LHFPL6: variants seen among roughly 807,000 people sequenced by gnomAD.
LHFPL6 encodes LHFPL tetraspan subfamily member 6.
Under a neutral mutation model 20.6 loss-of-function variants are expected in LHFPL6, and 9 were observed. That is an observed-to-expected ratio of 0.44 (90% confidence interval 0.26 to 0.76). The LOEUF is 0.76. LHFPL6 is among the 30% of genes least tolerant of loss of function. The pLI, the probability that LHFPL6 is intolerant of heterozygous loss-of-function variation, is 0.20. For missense variants in LHFPL6, 218 were observed against 253.5 expected (o/e 0.86, Z 0.95); for synonymous variants, 105 against 98.7 (o/e 1.06, Z -0.38).
chr13:39,570,811 T>G (rs1871890454), intron 2 of LHFPL6, among the ~76,000 whole-genome samples: 1 of 152,200 alleles, frequency 6.6e-6, no homozygotes, highest in Admixed American at 6.5e-5. Flanking sequence ...GCATGCCACG[T>G]GTGTGTTTTT....
intron 3 of LHFPL6, among the ~76,000 whole-genome samples, chr13:39,375,440 C>T (rs1321637236): frequency 2.0e-5 from 3 of 152,130 alleles, no homozygotes. Flanking sequence ...CCCATAATCC[C>T]AGCACTTTGG....
intron 2 of LHFPL6, among the ~76,000 whole-genome samples, chr13:39,533,074 A>G (rs1005271894): frequency 9.2e-5 from 14 of 152,220 alleles, no homozygotes; most frequent in Admixed American, 5.9e-4. Context: ...GCACAGACTT[A>G]AATAAAGGAA....
intron 2 of LHFPL6, among the ~76,000 whole-genome samples, chr13:39,429,442 G>A (rs941413355): frequency 1.3e-5 from 2 of 152,018 alleles, no homozygotes; most frequent in Non-Finnish European, 2.9e-5. Context: ...CTTGATTAGT[G>A]TTAGCATGGT....
intron 2 of LHFPL6, among the ~76,000 whole-genome samples, chr13:39,562,569 CATACATATAT>C (rs1871555834): frequency 1.1e-5 from 1 of 93,050 alleles, no homozygotes. Context: ...TACATATACA[CATACATATAT>C]ACACATATAT....
chr13:39,358,454 T>C (rs1365122281), intron 3 of LHFPL6, among the ~76,000 whole-genome samples: 1 of 152,122 alleles, frequency 6.6e-6, no homozygotes, highest in East Asian at 1.9e-4. Context: ...GATGAAAACC[T>C]AGTGAACACC....
chr13:39,355,504 CATG>C (rs1027257459), intron 3 of LHFPL6, among the ~76,000 whole-genome samples: 2 of 152,144 alleles, frequency 1.3e-5, no homozygotes, highest in African/African-American at 2.4e-5. Flanking sequence ...CAGCTAACAA[CATG>C]ATAACATGAT....
At chr13:39,594,067 A>G (rs1401885544) in intron 2 of LHFPL6, among the ~76,000 whole-genome samples, 1 of 152,196 alleles carries the variant, frequency 6.6e-6, no homozygotes, top group Non-Finnish European at 1.5e-5. Context: ...CAAGGACTTC[A>G]TGTCTAAAAC....
At chr13:39,578,843 G>A (rs1163648709) in intron 2 of LHFPL6, among the ~76,000 whole-genome samples, 1 of 152,162 alleles carries the variant, frequency 6.6e-6, no homozygotes, top group Non-Finnish European at 1.5e-5. Context: ...ATTCCCTCCA[G>A]CTGGGCAATC....
chr13:39,477,366 A>G (rs1235773195), intron 2 of LHFPL6, among the ~76,000 whole-genome samples: 1 of 152,208 alleles, frequency 6.6e-6, no homozygotes, highest in Non-Finnish European at 1.5e-5. Flanking sequence ...GGGAGCAGGT[A>G]CTTATTCACA....
At chr13:39,377,016 A>C (rs1870308864) in intron 3 of LHFPL6, among the ~76,000 whole-genome samples, 1 of 152,182 alleles carries the variant, frequency 6.6e-6, no homozygotes, top group Non-Finnish European at 1.5e-5. Flanking sequence ...TCTGAAGCAG[A>C]TCATAAAGCC....
intron 2 of LHFPL6, among the ~76,000 whole-genome samples, chr13:39,430,889 C>G (rs1017734610): frequency 6.6e-6 from 1 of 152,222 alleles, no homozygotes; most frequent in East Asian, 1.9e-4. Flanking sequence ...AAGCCAGCAG[C>G]GGCAACCTGC....
In LHFPL6 at chr13:39,502,543, C is replaced by T. The variant is rs542085151; in HGVS notation, c.385+98289G>A. Among the ~76,000 whole-genome samples, 60 of 152,128 alleles carry T rather than the reference C, an allele frequency of 3.9e-4. 1 individual carries two copies. Among genetic ancestry groups the T allele is most frequent in the Middle Eastern group, 6.8e-3 (2 of 294 alleles). On this transcript the variant is annotated intron_variant, in intron 2 of 3. Transcript: ENST00000379589. ...GGCTGAGGTGGGTGGGTCACTTGAG[C>T]TCAGGAGCTTGAGGCTCCAGTGAGC...
At chr13:39,527,311 T>A (rs1054084961) in intron 2 of LHFPL6, among the ~76,000 whole-genome samples, 1 of 152,140 alleles carries the variant, frequency 6.6e-6, no homozygotes, top group Non-Finnish European at 1.5e-5. Flanking sequence ...CCTTTGGCCC[T>A]CATGTGTCAC....
intron 2 of LHFPL6, among the ~76,000 whole-genome samples, chr13:39,464,700 C>CTTT (rs57418375): frequency 3.6e-5 from 5 of 137,906 alleles, no homozygotes; most frequent in Non-Finnish European, 4.7e-5. Flanking sequence ...AAAGCACAGT[C>CTTT]TTTTTTTTTT....
chr13:39,375,689 CAAA>C (rs59712573), intron 3 of LHFPL6, among the ~76,000 whole-genome samples: 1 of 129,650 alleles, frequency 7.7e-6, no homozygotes, highest in Non-Finnish European at 1.6e-5. Flanking sequence ...GTCTTTGTCT[CAAA>C]AAAAAAAAAA....
At chr13:39,364,822 C>T (rs1202081845) in intron 3 of LHFPL6, among the ~76,000 whole-genome samples, 2 of 152,132 alleles carry the variant, frequency 1.3e-5, no homozygotes, top group Non-Finnish European at 2.9e-5. Context: ...AAATGGTTTA[C>T]CCTTTGTCTT....
intron 2 of LHFPL6, among the ~76,000 whole-genome samples, chr13:39,428,412 TTC>T (rs1401281767): frequency 1.3e-5 from 2 of 152,292 alleles, no homozygotes; most frequent in African/African-American, 4.8e-5. Context: ...TACTGATATT[TTC>T]TGTTTCCTTT....
Position 39,357,974 on chromosome 13 carries a change from G to A in LHFPL6, c.485-13920C>T, listed in dbSNP as rs969280149. On this transcript the variant is annotated intron_variant, in intron 3 of 3. Coordinates refer to ENST00000379589, the MANE Select transcript of LHFPL6 (RefSeq NM_005780.3). ...CTGCTCAAAGCAATCTACCAACTTT[G>A]TAGGTTGGTAGATACTGCTCAGAGC... 5.9e-5 allele frequency among the ~76,000 whole-genome samples: 9 copies of A among 152,188 alleles called. No homozygotes were observed. In the South Asian group the frequency reaches 1.5e-3, roughly 25 times the overall value.
At chr13:39,493,491 TG>T (rs1387786658) in intron 2 of LHFPL6, among the ~76,000 whole-genome samples, 1 of 152,064 alleles carries the variant, frequency 6.6e-6, no homozygotes, top group East Asian at 1.9e-4. Context: ...ATGAAAAAAT[TG>T]AAATGAGATA....
Sources: gnomAD v4.1 joint callset for allele counts (sites outside exome capture counted in the v4.1 genomes callset) on GRCh38, gnomAD v4.1.1 for gene constraint, MANE v1.5 for transcripts, NCBI Gene and HGNC (gene_info 2026-07-23, HGNC 2026-07-21) for gene names.